Variants in FHIP1A observed in about 807,000 individuals in gnomAD.
FHIP1A encodes FHF complex subunit HOOK interacting protein 1A, also known as FHF complex subunit HOOK-interacting protein 1A.
A neutral mutation model predicts 88.6 loss-of-function variants in FHIP1A; 61 were observed. That is an observed-to-expected ratio of 0.69 (90% CI 0.56 to 0.85). The LOEUF is 0.85. Among genes scored for constraint, FHIP1A ranks in the 40% least tolerant of loss-of-function variants. The probability of loss-of-function intolerance (pLI) is 0.00; values close to 1 mark genes in which losing one functional copy is unlikely to be tolerated. For missense variants in FHIP1A, 1,154 were observed against 1,273.5 expected, an observed-to-expected ratio of 0.91 and a Z score of 1.43; for synonymous variants, 478 against 496.0, an observed-to-expected ratio of 0.96 and a Z score of 0.48.
chr4:151,447,715 G>A (rs866551808), intron 1 of FHIP1A, among the ~76,000 whole-genome samples: 10 of 152,162 alleles, frequency 6.6e-5, no homozygotes, highest in African/African-American at 2.4e-4. Context: ...TAAGTTAAAA[G>A]GAGGTCATGA....
chr4:151,481,109 A>T (rs1313320379), intron 2 of FHIP1A, among the ~76,000 whole-genome samples: 1 of 152,022 alleles, frequency 6.6e-6, no homozygotes, highest in Non-Finnish European at 1.5e-5. Context: ...ACCCATCTAA[A>T]GATAGGAACT....
intron 1 of FHIP1A, among the ~76,000 whole-genome samples, chr4:151,429,356 T>C (rs1244589632): frequency 2.0e-5 from 3 of 152,154 alleles, no homozygotes; most frequent in Non-Finnish European, 2.9e-5. Context: ...ATGGCCATCA[T>C]CTAGTTAATT....
rs115065779 is a variant in FHIP1A at position 151,532,266 on chromosome 4, A to G, written c.-122-33872A>G. ...AATCTTTTTCTTGCTATTTACACAG[A>G]TTGTGTAATTTCTAATCTACTTTCA... On this transcript the variant is annotated intron_variant, in intron 3 of 13. Coordinates refer to ENST00000435205, the MANE Select transcript of FHIP1A (RefSeq NM_001109977.3). 7.9e-3 allele frequency among the ~76,000 whole-genome samples: 1,205 copies of G among 152,216 alleles called. 12 individuals carry two copies. The highest frequency in any genetic ancestry group is 0.027 in the African/African-American group (1,122 of 41,524).
rs1256646382 is a variant in FHIP1A, at chr4:151,669,326, C to T, written c.*6572C>T. On this transcript the variant is annotated 3_prime_UTR_variant, in exon 14 of 14. Transcript: ENST00000435205. ...AAATCAAGTGCTTTAACAAGGGCAT[C>T]TTCCTCTGGGAATAATCAGTCCTTA... Among the ~76,000 whole-genome samples the T allele has an allele frequency of 6.6e-6, 1 of 152,240 alleles. No individual in the cohort carries two copies. Among genetic ancestry groups the T allele is most frequent in the East Asian group, 1.9e-4 (1 of 5,204 alleles).
intron 8 of FHIP1A, among the ~76,000 whole-genome samples, chr4:151,636,197 C>T (rs1052549351): frequency 1.3e-5 from 2 of 151,908 alleles, no homozygotes; most frequent in Non-Finnish European, 2.9e-5. Flanking sequence ...TGTAATACAT[C>T]ATATCAAGAT....
rs969727388 is a variant in FHIP1A, at chr4:151,612,412, G to A, written c.979-17290G>A. On this transcript the variant is annotated intron_variant, in intron 7 of 13. Transcript: ENST00000435205. ...TGTTTTTGTTTTGAGATGGAGTCTC[G>A]CTCCGTTGCTCAGGCTGGATTGCAG... 3.3e-5 allele frequency among the ~76,000 whole-genome samples: 5 copies of A among 152,274 alleles called. No homozygotes were observed. The East Asian group carries it at 5.8e-4, about 18-fold the overall frequency.
intron 3 of FHIP1A, among the ~76,000 whole-genome samples, chr4:151,523,917 C>CATG (rs1174468507): frequency 6.6e-6 from 1 of 152,170 alleles, no homozygotes; most frequent in Non-Finnish European, 1.5e-5. Context: ...ATAGTTTAGC[C>CATG]AAGTTCTACC....
At chr4:151,496,467 A>G (rs376424556) in intron 3 of FHIP1A, among the ~76,000 whole-genome samples, 3 of 152,124 alleles carry the variant, frequency 2.0e-5, no homozygotes, top group South Asian at 4.1e-4. Context: ...GCTCTCATGT[A>G]GTTGACCCTT....
At chr4:151,491,544 A>G (rs1183037604) in intron 3 of FHIP1A, among the ~76,000 whole-genome samples, 2 of 152,196 alleles carry the variant, frequency 1.3e-5, no homozygotes, top group Non-Finnish European at 2.9e-5. Flanking sequence ...TCCTTAAAGC[A>G]TAAATCTCAC....
At chr4:151,458,729 T>C (rs1729050922) in intron 2 of FHIP1A, among the ~76,000 whole-genome samples, 1 of 152,168 alleles carries the variant, frequency 6.6e-6, no homozygotes, top group African/African-American at 2.4e-5. Flanking sequence ...GGCTTCTTGT[T>C]GCAGTACACT....
At chr4:151,484,078 G>A (rs1156836694) in intron 3 of FHIP1A, among the ~76,000 whole-genome samples, 1 of 152,164 alleles carries the variant, frequency 6.6e-6, no homozygotes, top group African/African-American at 2.4e-5. Context: ...ATGTGTGTGT[G>A]TATCCTCTGT....
intron 7 of FHIP1A, among the ~76,000 whole-genome samples, chr4:151,605,338 A>T (rs1735031101): frequency 6.6e-6 from 1 of 152,230 alleles, no homozygotes; most frequent in Non-Finnish European, 1.5e-5. Context: ...AGGTAGAGAC[A>T]TCGAGGTGAA....
intron 3 of FHIP1A, among the ~76,000 whole-genome samples, chr4:151,512,508 T>A (rs1731077705): frequency 6.6e-6 from 1 of 152,182 alleles, no homozygotes. Flanking sequence ...TACTCCGAGC[T>A]ACAGGAGGAA....
At chr4:151,514,825 C>G (rs1336210037) in intron 3 of FHIP1A, among the ~76,000 whole-genome samples, 1 of 152,034 alleles carries the variant, frequency 6.6e-6, no homozygotes, top group African/African-American at 2.4e-5. Flanking sequence ...GCTTACCAAC[C>G]AAAAAGAGTC....
intron 1 of FHIP1A, among the ~76,000 whole-genome samples, chr4:151,426,953 C>T (rs543845425): frequency 1.0e-3 from 155 of 152,214 alleles, no homozygotes; most frequent in Non-Finnish European, 1.9e-3. Flanking sequence ...TCACAGAAAG[C>T]AGAGCACAGC....
chr4:151,541,118 A>G (rs1732267982), intron 3 of FHIP1A, among the ~76,000 whole-genome samples: 1 of 152,186 alleles, frequency 6.6e-6, no homozygotes, highest in Non-Finnish European at 1.5e-5. Flanking sequence ...TTTTTAAGAT[A>G]TGCTACACTA....
At chr4:151,585,596 C>A (rs1327410082) in intron 5 of FHIP1A, among the ~76,000 whole-genome samples, 1 of 152,144 alleles carries the variant, frequency 6.6e-6, no homozygotes, top group Non-Finnish European at 1.5e-5. Flanking sequence ...TGGGAGGCCT[C>A]CAGTACTATG....
intron 11 of FHIP1A, among the ~76,000 whole-genome samples, chr4:151,655,631 C>A (rs555653556): frequency 6.6e-6 from 1 of 152,158 alleles, no homozygotes; most frequent in African/African-American, 2.4e-5. Flanking sequence ...CCACCTCTCA[C>A]CTATTTTTTT....
At chr4:151,454,375 G>C (rs1728898579) in intron 1 of FHIP1A, among the ~76,000 whole-genome samples, 1 of 152,110 alleles carries the variant, frequency 6.6e-6, no homozygotes, top group Admixed American at 6.6e-5. Context: ...GTAACTTTGG[G>C]TCTGCTTGTA....
Sources: gnomAD v4.1 joint callset for allele counts (sites outside exome capture counted in the v4.1 genomes callset) on GRCh38, gnomAD v4.1.1 for gene constraint, MANE v1.5 for transcripts, NCBI Gene and HGNC (gene_info 2026-07-23, HGNC 2026-07-21) for gene names.